TMPRSS15: variants seen among roughly 807,000 people sequenced by gnomAD.
TMPRSS15 encodes transmembrane serine protease 15.
TMPRSS15 carries 128 observed loss-of-function variants against 125.3 expected under a neutral mutation model. The observed-to-expected ratio is 1.02, with a 90% CI of 0.89 to 1.18. The LOEUF is 1.18. TMPRSS15 is among the 50% of genes most tolerant of loss of function. The probability of loss-of-function intolerance (pLI) is 0.00; values close to 1 mark genes in which losing one functional copy is unlikely to be tolerated. For missense variants in TMPRSS15, 1,283 were observed against 1,212.7 expected, an observed-to-expected ratio of 1.06 and a Z score of -0.86; for synonymous variants, 446 against 423.2, an observed-to-expected ratio of 1.05 and a Z score of -0.66.
chr21:18,309,835 C>T (rs148877480), intron 18 of TMPRSS15, among the ~76,000 whole-genome samples: 2,527 of 151,862 alleles, frequency 0.017, 66 homozygotes, highest in African/African-American at 0.057. Flanking sequence ...TTGGTGGGAG[C>T]GTAAATTAGT....
In TMPRSS15 at chr21:18,447,439, CA is replaced by C. The variant is rs57558994; in HGVS notation, c.10+38359del. ...TGGGCGACAGAGTAAGACTTCAACT[CA>C]AAAAAAAAAAAAAAAAAAGACATAC... On this transcript the variant is annotated intron_variant, in intron 1 of 7. Coordinates refer to the TMPRSS15 transcript ENST00000422787. 2.3e-3 allele frequency among the ~76,000 whole-genome samples: 200 copies of C among 88,104 alleles called. 1 individual carries two copies. The highest frequency in any genetic ancestry group is 7.0e-3 in the African/African-American group (156 of 22,254). The allele number at this position is 88,104 out of a possible 152,430, so 57.8% of individuals were successfully genotyped here.
At chr21:18,446,964 C>T (rs1307718386) in intron 1 of TMPRSS15, among the ~76,000 whole-genome samples, 1 of 152,014 alleles carries the variant, frequency 6.6e-6, no homozygotes. Context: ...AGCTTCTGGA[C>T]AGTAAAGGAA....
intron 10 of TMPRSS15, among the ~76,000 whole-genome samples, chr21:18,345,232 C>T (rs2075492433): frequency 6.6e-6 from 1 of 152,076 alleles, no homozygotes; most frequent in Admixed American, 6.5e-5. Context: ...ATATTATTAA[C>T]ACATTACTCC....
At chr21:18,455,220 C>A (rs542824464) in intron 1 of TMPRSS15, among the ~76,000 whole-genome samples, 1 of 152,162 alleles carries the variant, frequency 6.6e-6, no homozygotes, top group African/African-American at 2.4e-5. Flanking sequence ...GTCAATTAAA[C>A]CTCTTTCCTT....
rs138658872 is a variant in TMPRSS15 at position 18,308,941 on chromosome 21, C to T, written c.2165+4004G>A. Among the ~76,000 whole-genome samples the T allele has an allele frequency of 4.3e-3, 658 of 152,244 alleles. 7 individuals are homozygous for T. Among genetic ancestry groups the T allele is most frequent in the African/African-American group, 0.015 (613 of 41,544 alleles). On this transcript the variant is annotated intron_variant, in intron 18 of 24. Transcript: ENST00000284885. ...ATGAACTTATCCTTTTTTATTGCTG[C>T]GTAGTATTCCATGGTGTATATGTGC...
rs1296813329 is a variant in TMPRSS15 at position 18,344,202 on chromosome 21, A to T, written c.1172-142T>A. 5 of 728,546 alleles carry T rather than the reference A, an allele frequency of 6.9e-6. No homozygotes were observed. The East Asian group carries it at 1.3e-4, about 20-fold the overall frequency. 45.1% of individuals were successfully genotyped at this position (728,546 alleles called of 1,614,324 possible). The stretch of plus-strand genomic sequence containing the variant: ...TTTAATATAGTGGACAGGACACTAG[A>T]CTCGAGCTCAGAAAGCAGTATTTTT... On this transcript the variant is annotated intron_variant, in intron 10 of 24. Transcript: ENST00000284885.
intron 18 of TMPRSS15, among the ~76,000 whole-genome samples, chr21:18,311,190 G>A (rs1174545261): frequency 4.0e-5 from 6 of 151,866 alleles, no homozygotes; most frequent in Non-Finnish European, 7.4e-5. Flanking sequence ...GATGGCTTGA[G>A]TAAGCCCATA....
At position 18,447,278 on chromosome 21, in the gene TMPRSS15, T is replaced by C. The variant is rs900756868; in HGVS notation, c.10+38521A>G. 6.3e-4 allele frequency among the ~76,000 whole-genome samples: 95 copies of C among 151,502 alleles called. 4 individuals are homozygous for C. Among genetic ancestry groups the C allele is most frequent in the Non-Finnish European group, 1.5e-5 (1 of 67,870 alleles). On this transcript the variant is annotated intron_variant, in intron 1 of 7. Coordinates refer to the TMPRSS15 transcript ENST00000422787. ...GGCCAATATGGTGAAACCCCATCTCTACTAAAAATTAAAAAGCCAGGCGTG... is the reference window on the plus strand; with the variant it reads ...GGCCAATATGGTGAAACCCCATCTCCACTAAAAATTAAAAAGCCAGGCGTG...
In TMPRSS15 at chr21:18,269,873, A is replaced by G. The variant is rs1231596100; in HGVS notation, c.*96T>C. 3 of 1,493,468 alleles carry G rather than the reference A, an allele frequency of 2.0e-6. No individual in the cohort carries two copies. The African/African-American group carries it at 4.2e-5, about 21-fold the overall frequency. 92.5% of individuals were successfully genotyped at this position (1,493,468 alleles called of 1,614,324 possible). On this transcript the variant is annotated 3_prime_UTR_variant, in exon 25 of 25. Coordinates refer to ENST00000284885, the MANE Select transcript of TMPRSS15 (RefSeq NM_002772.3). Reference sequence around the variant, plus strand: ...TAGGTAAGAATAAAAACCTTTGGTAACTTTTTAAAATTTTTGTACGAAACA... The same window carrying G: ...TAGGTAAGAATAAAAACCTTTGGTAGCTTTTTAAAATTTTTGTACGAAACA...
rs77848448 is a variant in TMPRSS15, at chr21:18,388,662, T to C, written c.345-4884A>G. 3.8e-3 allele frequency among the ~76,000 whole-genome samples: 585 copies of C among 152,250 alleles called. 7 individuals carry two copies. The highest frequency in any genetic ancestry group is 0.014 in the African/African-American group (567 of 41,536). On this transcript the variant is annotated intron_variant, in intron 3 of 24. Coordinates refer to ENST00000284885, the MANE Select transcript of TMPRSS15 (RefSeq NM_002772.3). ...AAAGCCTTTTGGAAATAAATCTGAA[T>C]TGATGCTTTACTGCAGCTCTCCAGA...
intron 3 of TMPRSS15, among the ~76,000 whole-genome samples, chr21:18,397,416 C>T (rs1011854139): frequency 6.6e-6 from 1 of 152,132 alleles, no homozygotes; most frequent in Admixed American, 6.6e-5. Context: ...GGAATTACAT[C>T]ATTACATTAT....
At chr21:18,315,507 A>AT (rs1431295838) in intron 16 of TMPRSS15, among the ~76,000 whole-genome samples, 1 of 27,096 alleles carries the variant, frequency 3.7e-5, no homozygotes, top group East Asian at 1.2e-3. Flanking sequence ...ATATATATAT[A>AT]AAATAATAAA....
At chr21:18,303,224 T>C (rs751545405) in intron 18 of TMPRSS15, among the ~76,000 whole-genome samples, 2 of 152,162 alleles carry the variant, frequency 1.3e-5, no homozygotes, top group Non-Finnish European at 2.9e-5. Context: ...ATCTTATTTT[T>C]CTGTAGTATT....
intron 16 of TMPRSS15, among the ~76,000 whole-genome samples, chr21:18,318,324 C>A (rs1241636978): frequency 6.6e-6 from 1 of 152,132 alleles, no homozygotes; most frequent in Non-Finnish European, 1.5e-5. Flanking sequence ...TGGAACAATG[C>A]TCTGAAGAGC....
rs139224210 is a variant in TMPRSS15, at chr21:18,320,732, T to A, written c.1922-5476A>T. 5.9e-4 allele frequency among the ~76,000 whole-genome samples: 90 copies of A among 152,314 alleles called. 1 individual carries two copies. The East Asian group carries it at 0.017, about 28-fold the overall frequency. The stretch of plus-strand genomic sequence containing the variant: ...AACAGAAATTTTAAAATCTGAGAAG[T>A]ATAAATAAGCTCTTTCAAAATTTTC... On this transcript the variant is annotated intron_variant, in intron 16 of 24. Transcript: ENST00000284885.
At chr21:18,441,868 G>C (rs1303499464) in intron 1 of TMPRSS15, among the ~76,000 whole-genome samples, 1 of 151,642 alleles carries the variant, frequency 6.6e-6, no homozygotes, top group African/African-American at 2.4e-5. Context: ...GTTTTGTACT[G>C]TTAGTAGAGA....
chr21:18,346,299 G>GT (rs1377117510), intron 10 of TMPRSS15, among the ~76,000 whole-genome samples: 3 of 152,030 alleles, frequency 2.0e-5, no homozygotes, highest in Non-Finnish European at 4.4e-5. Flanking sequence ...TTGATCTCTG[G>GT]TTAACAGATG....
intron 16 of TMPRSS15, among the ~76,000 whole-genome samples, chr21:18,325,526 T>C (rs867567250): frequency 6.6e-6 from 1 of 152,052 alleles, no homozygotes; most frequent in Non-Finnish European, 1.5e-5. Flanking sequence ...TATTAGATAA[T>C]AGGCCAGATG....
chr21:18,460,056 T>C (rs1978523704), intron 1 of TMPRSS15, among the ~76,000 whole-genome samples: 1 of 152,284 alleles, frequency 6.6e-6, no homozygotes, highest in South Asian at 2.1e-4. Context: ...ATGTAGGTAG[T>C]TTCTTGGTAA....
Sources: gnomAD v4.1 joint callset for allele counts (sites outside exome capture counted in the v4.1 genomes callset) on GRCh38, gnomAD v4.1.1 for gene constraint, MANE v1.5 for transcripts, NCBI Gene and HGNC (gene_info 2026-07-23, HGNC 2026-07-21) for gene names.